The following ABCA1 variants were observed in gnomAD, a reference collection of about 807,000 sequenced individuals.
ABCA1 encodes phospholipid-transporting ATPase ABCA1.
Under a neutral mutation model 262.5 loss-of-function variants are expected in ABCA1, and 133 were observed. That is an observed-to-expected ratio of 0.51 (90% CI 0.44 to 0.59). The LOEUF (loss-of-function observed/expected upper bound fraction) is 0.59, where lower values mean the gene tolerates loss of function less well. ABCA1 is among the 20% of genes least tolerant of loss of function. ABCA1 has a pLI of 0.00. For synonymous variants in ABCA1, 1,022 were observed against 1,043.5 expected (o/e 0.98, Z 0.40); for missense variants, 2,452 against 2,777.5 (o/e 0.88, Z 2.63).
intron 1 of ABCA1, among the ~76,000 whole-genome samples, chr9:104,911,647 T>C (rs950386051): frequency 5.9e-5 from 9 of 152,132 alleles, no homozygotes; most frequent in Non-Finnish European, 1.0e-4. Context: ...GTATCCTTGC[T>C]AGGACAGCCT....
chr9:104,890,238 A>G (rs971130110), intron 2 of ABCA1, among the ~76,000 whole-genome samples: 2 of 152,234 alleles, frequency 1.3e-5, no homozygotes, highest in African/African-American at 4.8e-5. Context: ...TCACACAGCC[A>G]AGATAATACT....
At chr9:104,862,646 G>GCACCC (rs1564197987) in intron 5 of ABCA1, among the ~76,000 whole-genome samples, 3 of 2,902 alleles carry the variant, frequency 1.0e-3, no homozygotes, top group African/African-American at 3.2e-3. Flanking sequence ...GGCCGGGCCG[G>GCACCC]GCCGGGCCGG....
At chr9:104,788,684 T>TTGAAA (rs1829142531) in intron 44 of ABCA1, 117 bp from the exon 45 acceptor site, 12 of 1,284,098 alleles carry the variant, frequency 9.3e-6, no homozygotes, top group Non-Finnish European at 1.3e-5. Flanking sequence ...CCAATACATC[T>TTGAAA]GCTGCTACTT....
intron 7 of ABCA1, among the ~76,000 whole-genome samples, chr9:104,852,487 T>C (rs1338711288): frequency 6.6e-6 from 1 of 152,214 alleles, no homozygotes; most frequent in Non-Finnish European, 1.5e-5. Flanking sequence ...ATACATCTAC[T>C]ACCACATAAT....
chr9:104,803,282 A>C lies in ABCA1; in HGVS notation c.4592+2T>G. 1 of 1,614,194 alleles carries C rather than the reference A, an allele frequency of 6.2e-7. No homozygotes were observed. The highest frequency in any genetic ancestry group is 8.5e-7 in the Non-Finnish European group (1 of 1,180,038). ...AAACGTGCCAGAAAGACAGCAACTT[A>C]CCTAAACTCATTCACCCAGATCTTG... is the stretch of plus-strand genomic sequence containing the variant. On this transcript the variant is annotated splice_donor_variant, in intron 33 of 49. Transcript: ENST00000374736. LOFTEE classifies it high-confidence loss of function.
chr9:104,814,166 A>C lies in ABCA1; in HGVS notation c.3853T>G (p.Phe1285Val). Residue 1285 changes from phenylalanine to valine, a missense_variant, in exon 27 of 50, where the codon TTC becomes GTC. Around this residue, in one of 4 missense-constraint regions of ABCA1, gnomAD observed 665 missense variants for 727.3 expected, o/e 0.91. Transcript: ENST00000374736. ...FGDKQSCLRP[F>V]TEDDAADPND... ...GGATCAGCAGCATCATCTTCAGTGAACGGGCGAAGACAGCTCTGCTTGTCC... is the reference window on the plus strand; with the variant it reads ...GGATCAGCAGCATCATCTTCAGTGACCGGGCGAAGACAGCTCTGCTTGTCC... 1 of 1,614,254 alleles carries C rather than the reference A, an allele frequency of 6.2e-7. No homozygotes were observed. The highest frequency in any genetic ancestry group is 2.2e-5 in the East Asian group (1 of 44,884).
chr9:104,800,435 T>C (rs1830231506), intron 35 of ABCA1, 75 bp downstream of exon 35: 1 of 1,420,456 alleles, frequency 7.0e-7, no homozygotes, highest in Admixed American at 1.7e-5. Context: ...AACTTTACCA[T>C]GAGTTGAAAG....
rs1275098836 is a variant in ABCA1, at chr9:104,884,531, T to C, written c.198A>G (p.Thr66=). 1.2e-6 allele frequency: 2 copies of C among 1,614,192 alleles called. No individual in the cohort carries two copies. Among genetic ancestry groups the C allele is most frequent in the Admixed American group, 1.7e-5 (1 of 60,026 alleles). Residue 66 remains threonine (T), a synonymous_variant, in exon 4 of 50, where the codon ACA becomes ACG. Transcript: ENST00000374736. ...AGATAATCCCCTGAACCCAAGGAAG[T>C]GTTCCTGCAGAGGGCATGGCTTTAT... ...FPNKAMPSAG[T]LPWVQGIICN...
intron 25 of ABCA1, 24 bp downstream of exon 25, chr9:104,816,119 C>A (rs1202992593): frequency 4.3e-6 from 7 of 1,613,802 alleles, no homozygotes; most frequent in Non-Finnish European, 5.9e-6. Context: ...GCTATATATT[C>A]CGACAGTCAG....
intron 1 of ABCA1, 138 bp from the exon 2 acceptor site, chr9:104,903,909 A>G (rs900541642): frequency 1.7e-6 from 1 of 598,016 alleles, no homozygotes; most frequent in Admixed American, 2.9e-5. Flanking sequence ...TCAATGGATC[A>G]TGAGTCACCA....
At chr9:104,856,372 C>A (rs1192455632) in intron 7 of ABCA1, among the ~76,000 whole-genome samples, 1 of 152,116 alleles carries the variant, frequency 6.6e-6, no homozygotes, top group Non-Finnish European at 1.5e-5. Context: ...CTGAGTGCTC[C>A]ACAAACCCGA....
intron 18 of ABCA1, among the ~76,000 whole-genome samples, chr9:104,823,746 G>A (rs1832581298): frequency 1.3e-5 from 2 of 152,152 alleles, no homozygotes; most frequent in Admixed American, 1.3e-4. Flanking sequence ...TCCAGCGACT[G>A]TGAGCATTTC....
chr9:104,833,163 C>T (rs1293230449), intron 11 of ABCA1, among the ~76,000 whole-genome samples: 1 of 152,098 alleles, frequency 6.6e-6, no homozygotes, highest in Non-Finnish European at 1.5e-5. Context: ...AAAGAGGGCA[C>T]TTTTATTTTT....
At position 104,798,504 on chromosome 9, in the gene ABCA1, G is replaced by T. The variant is rs137854498; in HGVS notation, c.5038C>A (p.Arg1680=). The T allele has an allele frequency of 1.1e-5, 18 of 1,614,076 alleles. No homozygotes were observed. Among genetic ancestry groups the T allele is most frequent in the Non-Finnish European group, 1.5e-5 (18 of 1,179,996 alleles). The change falls in exon 37 of 50, where the codon CGG becomes AGG. Residue 1680 remains arginine, a synonymous_variant. Coordinates refer to ENST00000374736, the MANE Select transcript of ABCA1 (RefSeq NM_005502.4). Reference sequence around the variant, plus strand: ...TGCAGGTGTTTTGCTTTGCTGACCCGCTCCTGGATCAGGAATACGACAAAG... The same window carrying T: ...TGCAGGTGTTTTGCTTTGCTGACCCTCTCCTGGATCAGGAATACGACAAAG... ...ASFVVFLIQE[R]VSKAKHLQFI...
chr9:104,803,356 C>A (rs1342525133), intron 32 of ABCA1, 40 bp from the exon 33 acceptor site: 10 of 1,598,410 alleles, frequency 6.3e-6, no homozygotes, highest in Non-Finnish European at 8.6e-6. Context: ...TCAAAGAAAG[C>A]ACTGAGCCTA....
intron 3 of ABCA1, among the ~76,000 whole-genome samples, chr9:104,885,738 C>T (rs1290666971): frequency 6.6e-6 from 1 of 152,104 alleles, no homozygotes; most frequent in Non-Finnish European, 1.5e-5. Flanking sequence ...GATTAATAGG[C>T]CCTGGACGAG....
intron 8 of ABCA1, among the ~76,000 whole-genome samples, chr9:104,844,540 T>C (rs555730739): frequency 1.3e-5 from 2 of 152,298 alleles, no homozygotes; most frequent in African/African-American, 4.8e-5. Context: ...GAACATGCAA[T>C]ACTTTCATTG....
intron 2 of ABCA1, among the ~76,000 whole-genome samples, chr9:104,894,835 G>A (rs1354473749): frequency 6.6e-6 from 1 of 152,244 alleles, no homozygotes; most frequent in African/African-American, 2.4e-5. Context: ...GAACTCATGA[G>A]AGACAAAATT....
intron 1 of ABCA1, among the ~76,000 whole-genome samples, chr9:104,919,429 G>GT (rs1322598232): frequency 1.3e-5 from 2 of 152,096 alleles, no homozygotes; most frequent in African/African-American, 4.8e-5. Context: ...AGCCACCATA[G>GT]TAAAACCCCG....
Sources: gnomAD v4.1 joint callset for allele counts (sites outside exome capture counted in the v4.1 genomes callset) on GRCh38, gnomAD v4.1.1 for gene constraint, gnomAD v4.1.1 regional missense constraint, MANE v1.5 for transcripts, NCBI Gene and HGNC (gene_info 2026-07-23, HGNC 2026-07-21) for gene names.